PEAK1: variants seen among roughly 807,000 people sequenced by gnomAD.
The protein encoded by PEAK1 is inactive tyrosine-protein kinase PEAK1.
PEAK1 carries 54 observed loss-of-function variants against 124.7 expected under a neutral mutation model. That is an observed-to-expected ratio of 0.43 (90% CI 0.35 to 0.54). The LOEUF (loss-of-function observed/expected upper bound fraction) is 0.54. PEAK1 is among the 20% of genes least tolerant of loss of function. PEAK1 has a pLI of 0.01. For synonymous variants in PEAK1, 719 were observed against 760.0 expected (o/e 0.95, Z 0.89); for missense variants, 2,046 against 2,134.5 (o/e 0.96, Z 0.82).
At chr15:77,245,687 G>A (rs1418887707) in intron 6 of PEAK1, among the ~76,000 whole-genome samples, 3 of 151,924 alleles carry the variant, frequency 2.0e-5, no homozygotes, top group African/African-American at 4.8e-5. Flanking sequence ...CTGGGAAACC[G>A]AGTGAGACTC....
In PEAK1 at chr15:77,114,273, C is replaced by A; in HGVS notation, c.5124G>T (p.Glu1708Asp). 1.2e-6 allele frequency: 2 copies of A among 1,614,238 alleles called. No homozygotes were observed. The highest frequency in any genetic ancestry group is 1.7e-6 in the Non-Finnish European group (2 of 1,180,042). ...TTCCACCTTCCCTGTCCAGGGACTT[C>A]TCAGCAAACTTGATCATGAGCAGTG... ...KRTLLMIKFA[E>D]KSLDREGGIS... is the part of the protein sequence containing the mutation. The change falls in exon 10 of 10, where the codon GAG becomes GAT. Residue 1708 changes from glutamate to aspartate, a missense_variant. Transcript: ENST00000682557.
chr15:77,298,197 A>ATTTTTTTTTTTGTTTTTTTTTTTTTTTT (rs2063601783), intron 2 of PEAK1, among the ~76,000 whole-genome samples: 1 of 37,804 alleles, frequency 2.6e-5, no homozygotes, highest in Non-Finnish European at 4.2e-5. Flanking sequence ...GGTATCCTTA[A>ATTTTTTTTTTTGTTTTTTTTTTTTTTTT]TTTTTTTTTT....
intron 2 of PEAK1, among the ~76,000 whole-genome samples, chr15:77,312,144 A>G (rs185447513): frequency 8.5e-5 from 13 of 152,356 alleles, no homozygotes; most frequent in Non-Finnish European, 1.9e-4. Context: ...TAAAGGGACT[A>G]GTACTACTCC....
chr15:77,339,274 C>CT (rs2066395277), intron 2 of PEAK1, among the ~76,000 whole-genome samples: 1 of 151,826 alleles, frequency 6.6e-6, no homozygotes, highest in African/African-American at 2.4e-5. Flanking sequence ...CCACACCCAG[C>CT]TAGTTTTTTT....
intron 6 of PEAK1, among the ~76,000 whole-genome samples, chr15:77,187,734 G>A (rs1362471509): frequency 6.6e-6 from 1 of 152,174 alleles, no homozygotes; most frequent in Non-Finnish European, 1.5e-5. Flanking sequence ...GCAGAGTCAA[G>A]AATCCTCACT....
chr15:77,401,638 TATTC>T (rs1197546679), intron 1 of PEAK1: 6 of 985,002 alleles, frequency 6.1e-6, no homozygotes, highest in Non-Finnish European at 7.2e-6. Context: ...CACAGAATGT[TATTC>T]ATTAGAACTT....
At chr15:77,377,457 T>C (rs12914630) in intron 1 of PEAK1, among the ~76,000 whole-genome samples, 1 of 141,128 alleles carries the variant, frequency 7.1e-6, no homozygotes. Context: ...ATATATACTC[T>C]TTTTTTTTTT....
At chr15:77,382,488 C>T (rs1219914852) in intron 1 of PEAK1, among the ~76,000 whole-genome samples, 1 of 152,080 alleles carries the variant, frequency 6.6e-6, no homozygotes, top group Non-Finnish European at 1.5e-5. Context: ...GAAATATTTC[C>T]TGACATCCTT....
chr15:77,262,652 T>C (rs2061501790), intron 5 of PEAK1, among the ~76,000 whole-genome samples: 1 of 122,524 alleles, frequency 8.2e-6, no homozygotes, highest in Admixed American at 8.3e-5. Flanking sequence ...ACAATAATAA[T>C]GGGACACTTT....
rs1175495801 is a variant in PEAK1, at chr15:77,195,287, T to C, written c.-114-13247A>G. 3.9e-5 allele frequency among the ~76,000 whole-genome samples: 6 copies of C among 152,198 alleles called. No homozygotes were observed. The East Asian group carries it at 7.7e-4, about 20-fold the overall frequency. On this transcript the variant is annotated intron_variant, in intron 6 of 9. Transcript: ENST00000682557. ...TAGAATTCATTCTTTCAAAGGAACA[T>C]AGAGAACTAAAATTTTACTGTATCA... is the stretch of plus-strand genomic sequence containing the variant.
intron 6 of PEAK1, among the ~76,000 whole-genome samples, chr15:77,241,388 AGACT>A (rs2060349983): frequency 6.6e-6 from 1 of 152,178 alleles, no homozygotes; most frequent in South Asian, 2.1e-4. Flanking sequence ...TTTAATAGTG[AGACT>A]GACTGCTTCC....
intron 2 of PEAK1, among the ~76,000 whole-genome samples, chr15:77,315,456 A>T (rs2064809795): frequency 6.6e-6 from 1 of 152,154 alleles, no homozygotes; most frequent in Non-Finnish European, 1.5e-5. Context: ...TGCTTTATTT[A>T]GCAAGTGAGT....
chr15:77,276,971 G>A (rs954820425), intron 5 of PEAK1, among the ~76,000 whole-genome samples: 3 of 151,992 alleles, frequency 2.0e-5, no homozygotes, highest in South Asian at 2.1e-4. Context: ...TAGTACAGCC[G>A]ACTATGACTT....
At chr15:77,407,243 G>A (rs11852471) in intron 1 of PEAK1, among the ~76,000 whole-genome samples, 99,710 of 151,992 alleles carry the variant, frequency 0.66, 33,638 homozygotes, top group Non-Finnish European at 0.75. Context: ...CCAAAAGCAA[G>A]TGCAACAAAA....
At chr15:77,106,895 G>C (rs2050759669), downstream of PEAK1, 1 of 152,192 alleles carries the variant, frequency 6.6e-6, no homozygotes, top group South Asian at 2.1e-4. Flanking sequence ...CAAGGCCCAG[G>C]AAAGGTCTAG....
chr15:77,222,266 C>T (rs988692981), intron 6 of PEAK1, among the ~76,000 whole-genome samples: 4 of 152,012 alleles, frequency 2.6e-5, no homozygotes, highest in African/African-American at 9.7e-5. Context: ...CCTTCTTTCT[C>T]TCTTCTTGTT....
intron 2 of PEAK1, among the ~76,000 whole-genome samples, chr15:77,356,809 T>C (rs1015475045): frequency 2.0e-5 from 3 of 152,260 alleles, no homozygotes; most frequent in Admixed American, 6.5e-5. Context: ...AGATGGAATT[T>C]ATTTATTCAA....
intron 1 of PEAK1, among the ~76,000 whole-genome samples, chr15:77,389,039 T>G (rs1022706370): frequency 6.0e-5 from 9 of 151,104 alleles, no homozygotes; most frequent in Non-Finnish European, 1.0e-4. Flanking sequence ...CTTGGCTCAC[T>G]GCAACCTATG....
rs151316731 is a variant in PEAK1, at chr15:77,111,210, C to G, written c.*2946G>C. 6.6e-6 allele frequency: 1 copy of G among 152,168 alleles called. No individual in the cohort carries two copies. The highest frequency in any genetic ancestry group is 1.9e-4 in the East Asian group (1 of 5,200). 9.4% of individuals were successfully genotyped at this position (152,168 alleles called of 1,614,324 possible). On this transcript the variant is annotated 3_prime_UTR_variant, in exon 10 of 10. Transcript: ENST00000682557. The stretch of plus-strand genomic sequence containing the variant: ...ACTTGAGAAAATGTAAAGTGCTATA[C>G]TAGTCACAATTCAAACACATAGATA...
Sources: allele counts gnomAD v4.1 joint callset (sites outside exome capture counted in the v4.1 genomes callset), GRCh38; gene constraint gnomAD v4.1.1; transcripts MANE v1.5; gene names NCBI Gene and HGNC (gene_info 2026-07-23, HGNC 2026-07-21).